WDR7: variants seen among roughly 807,000 people sequenced by gnomAD.
WDR7 encodes WD repeat domain 7.
In WDR7, 46 loss-of-function variants were observed where a neutral mutation model predicts 169.4. The ratio of observed to expected loss-of-function variants is 0.27; its 90% CI spans 0.21 to 0.35. The LOEUF is 0.35. Among genes scored for constraint, WDR7 ranks in the 10% least tolerant of loss-of-function variants. WDR7 has a pLI of 1.00. For missense variants in WDR7, 1,534 were observed against 1,859.3 expected, an observed-to-expected ratio of 0.83 and a Z score of 3.22; for synonymous variants, 612 against 666.8, an observed-to-expected ratio of 0.92 and a Z score of 1.27.
intron 1 of WDR7, among the ~76,000 whole-genome samples, chr18:56,657,598 A>G (rs891404973): frequency 6.6e-6 from 1 of 152,218 alleles, no homozygotes. Flanking sequence ...AGCTCAGTGA[A>G]ATTCTGCCAT....
intron 15 of WDR7, 23 bp from the exon 16 acceptor site, chr18:56,758,842 G>A: frequency 6.4e-7 from 1 of 1,562,580 alleles, no homozygotes; most frequent in Non-Finnish European, 8.7e-7. Flanking sequence ...AATATATCTT[G>A]TATTTTTTTC....
intron 5 of WDR7, among the ~76,000 whole-genome samples, 165 bp downstream of exon 5, chr18:56,683,018 C>T (rs577477475): frequency 6.6e-6 from 1 of 152,134 alleles, no homozygotes; most frequent in African/African-American, 2.4e-5. Flanking sequence ...ATAAAGAAAT[C>T]TTTGATTGAA....
chr18:56,993,585 C>G (rs1033832534), intron 26 of WDR7, among the ~76,000 whole-genome samples: 2 of 152,156 alleles, frequency 1.3e-5, no homozygotes, highest in African/African-American at 4.8e-5. Context: ...TCTAATTTCC[C>G]TCCATCTCCC....
chr18:56,686,765 C>T, intron 6 of WDR7, 90 bp from the exon 7 acceptor site: 2 of 1,134,884 alleles, frequency 1.8e-6, no homozygotes. Flanking sequence ...GAAGCGATGC[C>T]TTTATTTAAT....
intron 19 of WDR7, among the ~76,000 whole-genome samples, chr18:56,802,523 ATTTT>A (rs34077855): frequency 0.1 from 13,801 of 132,418 alleles, 1,246 homozygotes; most frequent in African/African-American, 0.26. Context: ...ACACCGGCTA[ATTTT>A]TTTTTTTTTT....
chr18:56,744,396 G>A (rs188692861), intron 14 of WDR7, among the ~76,000 whole-genome samples: 10 of 152,260 alleles, frequency 6.6e-5, no homozygotes, highest in African/African-American at 2.4e-4. Flanking sequence ...TGTCTGTGGG[G>A]AGGAAGGGAG....
chr18:56,666,893 AT>A (rs5825197), intron 1 of WDR7, among the ~76,000 whole-genome samples: 6,822 of 143,694 alleles, frequency 0.047, 239 homozygotes, highest in African/African-American at 0.12. Context: ...AAACCAGGCT[AT>A]TTTTTTTTTT....
chr18:56,799,264 G>T (rs144817657), intron 19 of WDR7, among the ~76,000 whole-genome samples: 2 of 152,196 alleles, frequency 1.3e-5, no homozygotes, highest in Non-Finnish European at 2.9e-5. Context: ...CTGTTTTTGA[G>T]GGTGTAGTAC....
At chr18:56,873,844 CTCTG>C (rs2045985719) in intron 20 of WDR7, 2 of 152,346 alleles carry the variant, frequency 1.3e-5, no homozygotes, top group South Asian at 2.1e-4. Flanking sequence ...ACACCAGGCT[CTCTG>C]TCTGAGCACC....
At chr18:56,743,966 C>T (rs944804654) in intron 14 of WDR7, among the ~76,000 whole-genome samples, 1 of 152,036 alleles carries the variant, frequency 6.6e-6, no homozygotes, top group Non-Finnish European at 1.5e-5. Flanking sequence ...AGAGCAGAGG[C>T]TGGGGCCGGG....
chr18:57,005,982 T>C (rs2048052701), intron 26 of WDR7, among the ~76,000 whole-genome samples: 2 of 152,240 alleles, frequency 1.3e-5, no homozygotes, highest in Admixed American at 6.5e-5. Flanking sequence ...AAAGTTCATA[T>C]ATAAAGTCTT....
the WDR7 span, chr18:57,035,050 G>T: frequency 6.6e-6 from 1 of 152,378 alleles, no homozygotes. Flanking sequence ...TGCCTACATG[G>T]CCAGCTCCTC....
intron 1 of WDR7, among the ~76,000 whole-genome samples, chr18:56,664,104 C>T (rs775361963): frequency 1.3e-5 from 2 of 152,120 alleles, no homozygotes; most frequent in Admixed American, 1.3e-4. Flanking sequence ...TATCAACAAT[C>T]GATTAATGTC....
At chr18:56,660,381 A>G (rs2024878626) in intron 1 of WDR7, among the ~76,000 whole-genome samples, 1 of 152,240 alleles carries the variant, frequency 6.6e-6, no homozygotes, top group Non-Finnish European at 1.5e-5. Flanking sequence ...ACTCTTGAGC[A>G]TAAACATGAC....
chr18:56,799,010 G>A (rs2044628286), intron 19 of WDR7, among the ~76,000 whole-genome samples: 2 of 152,058 alleles, frequency 1.3e-5, no homozygotes, highest in South Asian at 4.1e-4. Context: ...CTGCCAAACA[G>A]CTATAGGCTG....
intron 26 of WDR7, among the ~76,000 whole-genome samples, chr18:57,006,048 AATATT>A (rs993449619): frequency 3.3e-5 from 5 of 152,240 alleles, no homozygotes; most frequent in African/African-American, 4.8e-5. Context: ...CCTAAAGGAA[AATATT>A]ATATTAAATG....
At chr18:56,711,652 C>T (rs997979063) in intron 12 of WDR7, among the ~76,000 whole-genome samples, 1 of 151,866 alleles carries the variant, frequency 6.6e-6, no homozygotes, top group Admixed American at 6.6e-5. Flanking sequence ...TTGGCTGGAC[C>T]ATATGGCCTT....
intron 20 of WDR7, among the ~76,000 whole-genome samples, chr18:56,853,168 A>C (rs1049706929): frequency 1.3e-5 from 2 of 152,228 alleles, no homozygotes; most frequent in African/African-American, 4.8e-5. Flanking sequence ...GAAAAGGTAA[A>C]GAAATATGAA....
At position 56,816,085 on chromosome 18, in the gene WDR7, G is replaced by C; in HGVS notation, c.3245G>C (p.Gly1082Ala). 3.1e-6 allele frequency: 5 copies of C among 1,613,704 alleles called. No homozygotes were observed. Among genetic ancestry groups the C allele is most frequent in the Non-Finnish European group, 4.2e-6 (5 of 1,179,906 alleles). ...QTITTAPDASGPEAKVQEEEH... is the reference protein window; with the variant it reads ...QTITTAPDASAPEAKVQEEEH... ...ATCACCACGGCTCCTGATGCCTCAGGGCCTGAAGCAAAAGTCCAGGAGGAA... is the reference window on the plus strand; with the variant it reads ...ATCACCACGGCTCCTGATGCCTCAGCGCCTGAAGCAAAAGTCCAGGAGGAA... The change falls in exon 20 of 28, where the codon GGG becomes GCG. Residue 1082 changes from glycine (G) to alanine (A), a missense_variant. Physicochemically the swap from Gly to Ala is moderately conservative, Grantham distance 60. Transcript: ENST00000254442.
Sources: gnomAD v4.1 joint callset for allele counts (sites outside exome capture counted in the v4.1 genomes callset) on GRCh38, gnomAD v4.1.1 for gene constraint, MANE v1.5 for transcripts, NCBI Gene and HGNC (gene_info 2026-07-23, HGNC 2026-07-21) for gene names.